Variants in DICER1 observed in about 807,000 individuals in gnomAD.
DICER1 encodes the protein dicer 1, ribonuclease III, also known as endoribonuclease Dicer.
DICER1 carries 43 observed loss-of-function variants against 194.1 expected under a neutral mutation model. The observed-to-expected ratio is 0.22, with a 90% CI of 0.17 to 0.29. The LOEUF (loss-of-function observed/expected upper bound fraction) is 0.29, where lower values mean the gene tolerates loss of function less well. DICER1 is among the 10% of genes least tolerant of loss of function. The pLI is 1.00. For missense variants in DICER1, 1,608 were observed against 2,317.0 expected, an observed-to-expected ratio of 0.69 and a Z score of 6.28; for synonymous variants, 832 against 820.5, an observed-to-expected ratio of 1.01 and a Z score of -0.24.
chr14:95,144,641 G>A (rs374359434), intron 1 of DICER1, among the ~76,000 whole-genome samples: 33 of 151,896 alleles, frequency 2.2e-4, no homozygotes, highest in East Asian at 2.1e-3. Flanking sequence ...CGTAAGATTC[G>A]GCATAGAAAA....
intron 20 of DICER1, 102 bp from the exon 21 acceptor site, chr14:95,104,228 T>A: frequency 1.0e-6 from 1 of 973,248 alleles, no homozygotes; most frequent in East Asian, 2.6e-5. Context: ...ATCCCAAAAA[T>A]GTACTCCTAA....
At position 95,124,419 on chromosome 14, in the gene DICER1, G is replaced by C. The variant is rs746886465; in HGVS notation, c.1153C>G (p.Arg385Gly). The C allele has an allele frequency of 3.7e-6, 6 of 1,614,054 alleles. No homozygotes were observed. Among genetic ancestry groups the C allele is most frequent in the Non-Finnish European group, 5.1e-6 (6 of 1,179,982 alleles). The stretch of plus-strand genomic sequence containing the variant: ...TGTCGCTCATATGGTTTATATTTGC[G>C]TAAGATTTCGAGCAGTTTGATTACT... The part of the protein sequence containing the change: ...PKVIKLLEIL[R>G]KYKPYERQQF... The change falls in exon 8 of 27, where the codon CGC (arginine) becomes GGC (glycine). Residue 385 changes from arginine (R) to glycine (G), a missense_variant. This residue lies in a region of DICER1 where 657 missense variants were observed against 910.1 expected (regional missense o/e 0.72). Coordinates refer to ENST00000343455, the MANE Select transcript of DICER1 (RefSeq NM_177438.3). This position sits in a 1 kb window ranked among gnomAD's most constrained non-coding sequence, Gnocchi z 4.5.
rs190917218 is a variant in DICER1 at position 95,115,919 on chromosome 14, C to T, written c.1753-98G>A. 4.8e-5 allele frequency: 56 copies of T among 1,177,288 alleles called. No individual in the cohort carries two copies. In the East Asian group the frequency reaches 1.4e-3, roughly 29 times the overall value. The allele number at this position is 1,177,288 out of a possible 1,614,324, so 72.9% of individuals were successfully genotyped here. A position where few individuals can be genotyped will look rare whatever the true frequency, so the allele number is the denominator to read the frequency against. ...ACAGAAAAAACTCTCCTGAAAATAT[C>T]TCTCTCTCTCCTAAACATACTTCAG... On this transcript the variant is annotated intron_variant, in intron 10 of 26. Coordinates refer to ENST00000343455, the MANE Select transcript of DICER1 (RefSeq NM_177438.3).
intron 8 of DICER1, 141 bp from the exon 9 acceptor site, chr14:95,117,895 C>A: frequency 1.4e-6 from 1 of 738,904 alleles, no homozygotes; most frequent in Non-Finnish European, 2.3e-6. Context: ...TTTTTCCCAA[C>A]TTGCTTAAAC....
rs1566782237 is a variant in DICER1 at position 95,111,374 on chromosome 14, CTCT to C, written c.2196_2198del (p.Glu733del). ...AACCTGGTCTTCCTGGAACACTGGT[CTCT>C]TCTTCATCATGCAAATCAAGCTCCT... On this transcript the variant is annotated inframe_deletion, in exon 14 of 27. Transcript: ENST00000343455. The C allele has an allele frequency of 6.2e-7, 1 of 1,614,170 alleles. No individual in the cohort carries two copies. Among genetic ancestry groups the C allele is most frequent in the Non-Finnish European group, 8.5e-7 (1 of 1,179,992 alleles).
rs1889635530 is a variant in DICER1 at position 95,089,917 on chromosome 14, T to A, written c.*581A>T. 1 of 233,296 alleles carries A rather than the reference T, an allele frequency of 4.3e-6. No individual in the cohort carries two copies. Among genetic ancestry groups the A allele is most frequent in the African/African-American group, 2.2e-5 (1 of 45,266 alleles). 14.5% of individuals were successfully genotyped at this position (233,296 alleles called of 1,614,324 possible). ...CACCAACATGCCAGCCAATGTTCAT[T>A]AAAAATCTGTCCCTTACTATCAGGT... On this transcript the variant is annotated 3_prime_UTR_variant, in exon 27 of 27. Transcript: ENST00000343455.
intron 23 of DICER1, 43 bp from the exon 24 acceptor site, chr14:95,094,199 T>C (rs183635898): frequency 3.1e-6 from 5 of 1,611,444 alleles, no homozygotes; most frequent in Non-Finnish European, 4.2e-6. Context: ...TGCAGAAGCA[T>C]TTACACTATC....
chr14:95,131,170 C>T (rs1893916769), intron 4 of DICER1, among the ~76,000 whole-genome samples: 1 of 152,012 alleles, frequency 6.6e-6, no homozygotes, highest in African/African-American at 2.4e-5. Flanking sequence ...CCTAGGACTA[C>T]TACGCCACCA....
chr14:95,090,432 G>A lies in DICER1; in HGVS notation c.*66C>T, dbSNP rs191996364. The A allele has an allele frequency of 2.0e-5, 32 of 1,571,800 alleles. No individual in the cohort carries two copies. In the Admixed American group the frequency reaches 2.5e-4, roughly 12 times the overall value. On this transcript the variant is annotated 3_prime_UTR_variant, in exon 27 of 27. Transcript: ENST00000343455. ...CTAACAACTTTAAGTCTTCCTTTCC[G>A]ATTTAAATAATTTTCCCCTTAATTT...
At chr14:95,132,775 TA>T in intron 2 of DICER1, 98 bp from the exon 3 acceptor site, 2 of 1,201,148 alleles carry the variant, frequency 1.7e-6, no homozygotes, top group Non-Finnish European at 2.4e-6. Context: ...CACTATTCTC[TA>T]AAATCGTCCT....
chr14:95,100,847 G>A (rs1210507774), intron 21 of DICER1, among the ~76,000 whole-genome samples: 1 of 152,194 alleles, frequency 6.6e-6, no homozygotes, highest in East Asian at 1.9e-4. Context: ...GCAGGACAGA[G>A]GGGCAGTCCT....
rs2139969596 is a variant in DICER1, at chr14:95,104,001, G to A, written c.3395C>T (p.Ala1132Val). Residue 1132 changes from alanine (A) to valine (V), a missense_variant, in exon 21 of 27, where the codon GCT (alanine) becomes GTT (valine). Ala to Val is a moderately conservative substitution (Grantham distance 64, BLOSUM62 0). Transcript: ENST00000343455. Reference protein sequence around the residue: ...CKHSTIVPENAAHQGANRTSS... With the variant: ...CKHSTIVPENVAHQGANRTSS... ...GGTTCTATTAGCACCTTGATGTGCA[G>A]CATTTTCAGGGACAATTGTGCTGTG... The A allele has an allele frequency of 6.2e-7, 1 of 1,614,194 alleles. No individual in the cohort carries two copies. The highest frequency in any genetic ancestry group is 8.5e-7 in the Non-Finnish European group (1 of 1,180,018).
Position 95,133,490 on chromosome 14 carries a change from TC to T in DICER1, c.-33del. On this transcript the variant is annotated 5_prime_UTR_variant, in exon 2 of 27. Transcript: ENST00000343455. ...AGTGTTTCTTTCATTGCATTTTTGT[TC>T]TAGCACAGCTTACTACAAAAGGGAA... 1 of 1,597,526 alleles carries T rather than the reference TC, an allele frequency of 6.3e-7. No individual in the cohort carries two copies. The highest frequency in any genetic ancestry group is 8.5e-7 in the Non-Finnish European group (1 of 1,170,668).
In DICER1 at chr14:95,108,518, GA is replaced by G. The variant is rs745841077; in HGVS notation, c.2257-16del. 1.9e-6 allele frequency: 3 copies of G among 1,612,778 alleles called. No homozygotes were observed. The highest frequency in any genetic ancestry group is 2.5e-6 in the Non-Finnish European group (3 of 1,178,754). On this transcript the variant is annotated splice_polypyrimidine_tract_variant and intron_variant, in intron 14 of 26. Coordinates refer to ENST00000343455, the MANE Select transcript of DICER1 (RefSeq NM_177438.3). ...CACTCTGGAATCTAGAGTTGGAAAG[GA>G]AAATTAAGCGTCATGCTCAAGCATA...
Position 95,105,762 on chromosome 14 carries a change from T to C in DICER1, c.3009A>G (p.Arg1003=). The C allele has an allele frequency of 6.2e-7, 1 of 1,614,188 alleles. No homozygotes were observed. The highest frequency in any genetic ancestry group is 8.5e-7 in the Non-Finnish European group (1 of 1,179,984). The change falls in exon 19 of 27, where the codon CGA becomes CGG. Residue 1003 remains arginine (R), a synonymous_variant. Coordinates refer to ENST00000343455, the MANE Select transcript of DICER1 (RefSeq NM_177438.3). This position sits in a 1 kb window ranked among gnomAD's most constrained non-coding sequence, Gnocchi z 4.9. ...GCGCTTTCCCCTTCTGATTCAAATG[T>C]CGAGGTGTCAAAAGATTAAGTCTGT... ...TSSRLNLLTP[R]HLNQKGKALP...
chr14:95,106,196 T>C lies in DICER1; in HGVS notation c.2832A>G (p.Arg944=). ...CAGTGTACACATCAGCTACATAAAA[T>C]CGATGAGGCTGATCAAAATTGCGAT... ...PRYRNFDQPH[R]FYVADVYTDL... The change falls in exon 18 of 27, where the codon CGA becomes CGG. Residue 944 remains arginine (R), a synonymous_variant. Transcript: ENST00000343455. 6.2e-7 allele frequency: 1 copy of C among 1,614,012 alleles called. No individual in the cohort carries two copies. Among genetic ancestry groups the C allele is most frequent in the Non-Finnish European group, 8.5e-7 (1 of 1,179,942 alleles).
rs1329994791 is a variant in DICER1 at position 95,096,407 on chromosome 14, A to G, written c.4513T>C (p.Ser1505Pro). The G allele has an allele frequency of 1.2e-6, 2 of 1,614,220 alleles. No homozygotes were observed. Among genetic ancestry groups the G allele is most frequent in the Non-Finnish European group, 8.5e-7 (1 of 1,180,038 alleles). Residue 1505 changes from serine to proline, a missense_variant, in exon 23 of 27, where the codon TCT becomes CCT. Physicochemically the swap from Ser to Pro is moderately conservative, Grantham distance 74 (BLOSUM62 -1). Around this residue, in one of 10 missense-constraint regions of DICER1, gnomAD observed 164 missense variants for 183.7 expected, o/e 0.89. Transcript: ENST00000343455. Reference sequence around the variant, plus strand: ...TCCAGATAGCACATTGCATCCCAAGAGCTGTAGTCAAAATCCTCAAAATCT... The same window carrying G: ...TCCAGATAGCACATTGCATCCCAAGGGCTGTAGTCAAAATCCTCAAAATCT... ...SSDFEDFDYSSWDAMCYLDPS... is the reference protein window; with the variant it reads ...SSDFEDFDYSPWDAMCYLDPS...
At chr14:95,093,754 C>A in intron 24 of DICER1, 134 bp downstream of exon 24, 1 of 976,142 alleles carries the variant, frequency 1.0e-6, no homozygotes, top group East Asian at 2.4e-5. Flanking sequence ...CGTGCTCCCA[C>A]AGAACACAGC....
At position 95,124,993 on chromosome 14, in the gene DICER1, T is replaced by C. The variant is rs141204003; in HGVS notation, c.904-325A>G. On this transcript the variant is annotated intron_variant, in intron 7 of 26. Transcript: ENST00000343455. This position sits in a 1 kb window ranked among gnomAD's most constrained non-coding sequence, Gnocchi z 4.5. ...GTCATTTACTTCCTGCCAAATTACATAAAATTTATGTAGCACAGTAATTTA... is the reference window on the plus strand; with the variant it reads ...GTCATTTACTTCCTGCCAAATTACACAAAATTTATGTAGCACAGTAATTTA... Among the ~76,000 whole-genome samples the C allele has an allele frequency of 5.3e-4, 81 of 152,368 alleles. No homozygotes were observed. In the East Asian group the frequency reaches 0.014, roughly 26 times the overall value.
Sources: allele counts gnomAD v4.1 joint callset (sites outside exome capture counted in the v4.1 genomes callset), GRCh38; gene constraint gnomAD v4.1.1; regional missense constraint gnomAD v4.1.1; non-coding constraint Gnocchi (gnomAD v3.1); transcripts MANE v1.5; gene names NCBI Gene and HGNC (gene_info 2026-07-23, HGNC 2026-07-21).